The following ZNF804B variants were observed in gnomAD, a reference collection of about 807,000 sequenced individuals.
ZNF804B encodes the protein zinc finger 804B.
Under a neutral mutation model 101.4 loss-of-function variants are expected in ZNF804B, and 80 were observed. That is an observed-to-expected ratio of 0.79 (90% confidence interval 0.66 to 0.95). The LOEUF (loss-of-function observed/expected upper bound fraction) is 0.95, where lower values mean the gene tolerates loss of function less well. Ranked by LOEUF, ZNF804B falls within the 40% of genes least tolerant of loss-of-function variation. The probability of loss-of-function intolerance (pLI) is 0.00; values close to 1 mark genes in which losing one functional copy is unlikely to be tolerated. For synonymous variants in ZNF804B, 622 were observed against 558.8 expected (o/e 1.11, Z -1.59); for missense variants, 1,673 against 1,561.9 (o/e 1.07, Z -1.20).
At chr7:88,973,559 CTTT>C (rs34826320) in intron 1 of ZNF804B, among the ~76,000 whole-genome samples, 1 of 147,776 alleles carries the variant, frequency 6.8e-6, no homozygotes, top group African/African-American at 2.5e-5. Flanking sequence ...GAAGTATAAT[CTTT>C]TTTTTTTTAA....
chr7:89,130,167 G>C (rs1445978346), intron 1 of ZNF804B, among the ~76,000 whole-genome samples: 5 of 151,910 alleles, frequency 3.3e-5, no homozygotes, highest in Middle Eastern at 3.2e-3. Flanking sequence ...AGAGTGAAGA[G>C]GGAGGATCTG....
intron 1 of ZNF804B, among the ~76,000 whole-genome samples, chr7:88,912,169 A>G (rs573732289): frequency 1.3e-5 from 2 of 152,062 alleles, no homozygotes; most frequent in Non-Finnish European, 2.9e-5. Context: ...TTTGCTCCAT[A>G]TAGTCATCAA....
chr7:89,101,735 A>T (rs1790058411), intron 1 of ZNF804B, among the ~76,000 whole-genome samples: 1 of 151,914 alleles, frequency 6.6e-6, no homozygotes, highest in Non-Finnish European at 1.5e-5. Context: ...AGATTCGGGG[A>T]TACAAGTGCT....
At chr7:89,143,231 G>A (rs60263363) in intron 1 of ZNF804B, among the ~76,000 whole-genome samples, 12,548 of 151,900 alleles carry the variant, frequency 0.083, 555 homozygotes, top group South Asian at 0.092. Flanking sequence ...ATGAGCTTGG[G>A]ATGAACTTGA....
intron 2 of ZNF804B, among the ~76,000 whole-genome samples, chr7:89,288,186 G>A (rs1161980744): frequency 6.6e-6 from 1 of 151,958 alleles, no homozygotes; most frequent in East Asian, 1.9e-4. Context: ...TAAGAATACT[G>A]TATTTAAATA....
intron 2 of ZNF804B, among the ~76,000 whole-genome samples, chr7:89,291,971 A>G (rs1790299129): frequency 6.6e-6 from 1 of 152,092 alleles, no homozygotes; most frequent in Admixed American, 6.6e-5. Context: ...CGAGAAAGAC[A>G]GGCATAAGAT....
intron 1 of ZNF804B, among the ~76,000 whole-genome samples, chr7:89,100,872 A>G (rs1234050331): frequency 6.6e-6 from 1 of 152,010 alleles, no homozygotes; most frequent in Non-Finnish European, 1.5e-5. Flanking sequence ...ACTCAAAAAT[A>G]TTAAATAATT....
chr7:88,848,156 G>A (rs1791402339), intron 1 of ZNF804B, among the ~76,000 whole-genome samples: 1 of 152,082 alleles, frequency 6.6e-6, no homozygotes, highest in South Asian at 2.1e-4. Context: ...AACATCCTAC[G>A]GTACAAACAG....
intron 2 of ZNF804B, among the ~76,000 whole-genome samples, chr7:89,321,113 A>G (rs1401144465): frequency 6.6e-6 from 1 of 152,332 alleles, no homozygotes; most frequent in East Asian, 1.9e-4. Flanking sequence ...CATATTGAAG[A>G]GTATTAGTTG....
At chr7:88,918,409 A>G (rs1439591760) in intron 1 of ZNF804B, among the ~76,000 whole-genome samples, 2 of 152,176 alleles carry the variant, frequency 1.3e-5, no homozygotes, top group Non-Finnish European at 2.9e-5. Flanking sequence ...CGGCTGGTTC[A>G]AGGAACATCT....
intron 1 of ZNF804B, among the ~76,000 whole-genome samples, chr7:88,826,771 T>C (rs1448869574): frequency 1.3e-5 from 2 of 152,142 alleles, no homozygotes; most frequent in East Asian, 3.9e-4. Context: ...ATAGGTTACA[T>C]AATTTCAGAG....
At chr7:89,147,904 TGA>T (rs1192186057) in intron 1 of ZNF804B, among the ~76,000 whole-genome samples, 2 of 151,812 alleles carry the variant, frequency 1.3e-5, no homozygotes, top group Non-Finnish European at 2.9e-5. Context: ...TACAATATGC[TGA>T]GTTGTATAAT....
chr7:89,276,700 C>G (rs1789986542), intron 2 of ZNF804B, among the ~76,000 whole-genome samples: 1 of 151,594 alleles, frequency 6.6e-6, no homozygotes, highest in East Asian at 1.9e-4. Flanking sequence ...TGTTAATAAT[C>G]ACAATACCTC....
rs780787123 is a variant in ZNF804B at position 89,334,315 on chromosome 7, C to T, written c.1333C>T (p.His445Tyr). ...GGCATCTAAACCACTACCTTTTCTC[C>T]ACGTTCAAAGCAAGGATGGCCACAC... ...NVASKPLPFLHVQSKDGHTTL... is the reference protein window; with the variant it reads ...NVASKPLPFLYVQSKDGHTTL... Residue 445 changes from histidine (H) to tyrosine (Y), a missense_variant, in exon 4 of 4, where the codon CAC (histidine) becomes TAC (tyrosine). His to Tyr is a moderately conservative substitution (Grantham distance 83). Transcript: ENST00000333190. 1.2e-6 allele frequency: 2 copies of T among 1,613,790 alleles called. No homozygotes were observed. The highest frequency in any genetic ancestry group is 1.7e-5 in the Admixed American group (1 of 59,934).
At chr7:88,933,580 A>T (rs74891127) in intron 1 of ZNF804B, among the ~76,000 whole-genome samples, 1 of 152,020 alleles carries the variant, frequency 6.6e-6, no homozygotes, top group African/African-American at 2.4e-5. Context: ...TGATAAATTC[A>T]GTAAAGTCTC....
chr7:88,996,846 T>A (rs1377410864), intron 1 of ZNF804B, among the ~76,000 whole-genome samples: 1 of 152,024 alleles, frequency 6.6e-6, no homozygotes, highest in Non-Finnish European at 1.5e-5. Context: ...CAAAGATGGT[T>A]GAAATTGAGC....
rs1788639858 is a variant in ZNF804B, at chr7:89,020,024, ATTGT to A, written c.109-198128_109-198125del. On this transcript the variant is annotated intron_variant, in intron 1 of 3. Transcript: ENST00000333190. Reference sequence around the variant, plus strand: ...CATTTCGCTTCATATTTTCTCTCTTATTGTTTATTTTTGAAGTTTGATGGTTTTT... The same window carrying A: ...CATTTCGCTTCATATTTTCTCTCTTATTATTTTTGAAGTTTGATGGTTTTT... Among the ~76,000 whole-genome samples, 3 of 151,804 alleles carry A rather than the reference ATTGT, an allele frequency of 2.0e-5. No individual in the cohort carries two copies. The South Asian group carries it at 6.2e-4, about 32-fold the overall frequency.
chr7:88,761,379 A>C (rs1215290302), intron 1 of ZNF804B, among the ~76,000 whole-genome samples: 1 of 152,158 alleles, frequency 6.6e-6, no homozygotes, highest in Non-Finnish European at 1.5e-5. Context: ...TTAACAATTA[A>C]ACTCACAGGG....
intron 2 of ZNF804B, among the ~76,000 whole-genome samples, chr7:89,230,118 A>C (rs534795050): frequency 6.6e-6 from 1 of 152,234 alleles, no homozygotes; most frequent in East Asian, 1.9e-4. Context: ...TTACCAAAAA[A>C]ACTGCAAAAA....
Sources: gnomAD v4.1 joint callset for allele counts (sites outside exome capture counted in the v4.1 genomes callset) on GRCh38, gnomAD v4.1.1 for gene constraint, MANE v1.5 for transcripts, NCBI Gene and HGNC (gene_info 2026-07-23, HGNC 2026-07-21) for gene names.